The following TNPO1 variants were observed in gnomAD, a reference collection of about 807,000 sequenced individuals.
TNPO1 encodes the protein transportin 1.
A neutral mutation model predicts 119.5 loss-of-function variants in TNPO1; 8 were observed. That is an observed-to-expected ratio of 0.07 (90% CI 0.04 to 0.12). TNPO1 has a LOEUF of 0.12. Ranked by LOEUF, TNPO1 falls within the 10% of genes least tolerant of loss-of-function variation. The pLI, the probability that TNPO1 is intolerant of heterozygous loss-of-function variation, is 1.00. For synonymous variants in TNPO1, 362 were observed against 363.0 expected (o/e 1.00, Z 0.03); for missense variants, 576 against 1,089.8 (o/e 0.53, Z 6.64).
intron 5 of TNPO1, 113 bp downstream of exon 5, chr5:72,862,027 T>A: frequency 1.5e-6 from 1 of 673,932 alleles, no homozygotes. Context: ...TTCTCAAAAC[T>A]TAGAAACCTA....
In TNPO1 at chr5:72,865,587, C is replaced by G. The variant is rs750228339; in HGVS notation, c.463-9C>G. The G allele has an allele frequency of 1.9e-6, 3 of 1,610,472 alleles. No homozygotes were observed. The highest frequency in any genetic ancestry group is 1.3e-5 in the African/African-American group (1 of 74,882). ...ACAAATTCTGATAATTTAAATGTGTCTCTTACAGGGAGCATTTGGTGCCCT... is the reference window on the plus strand; with the variant it reads ...ACAAATTCTGATAATTTAAATGTGTGTCTTACAGGGAGCATTTGGTGCCCT... On this transcript the variant is annotated splice_polypyrimidine_tract_variant and intron_variant, in intron 5 of 24. Transcript: ENST00000337273.
At chr5:72,823,289 G>A (rs1744059989) in intron 1 of TNPO1, among the ~76,000 whole-genome samples, 4 of 151,998 alleles carry the variant, frequency 2.6e-5, no homozygotes, top group African/African-American at 9.7e-5. Flanking sequence ...AAGGCCCACT[G>A]TCCCACTCTC....
intron 6 of TNPO1, among the ~76,000 whole-genome samples, chr5:72,868,606 C>G (rs1747136203): frequency 6.6e-6 from 1 of 151,988 alleles, no homozygotes; most frequent in African/African-American, 2.4e-5. Context: ...CTGTTATATG[C>G]TTAGTTATAT....
At chr5:72,836,482 G>A (rs1744699424) in intron 1 of TNPO1, among the ~76,000 whole-genome samples, 1 of 152,156 alleles carries the variant, frequency 6.6e-6, no homozygotes, top group African/African-American at 2.4e-5. Flanking sequence ...ACTATAATGT[G>A]GGTAGCAGAG....
chr5:72,908,687 G>C (rs1416132149), intron 24 of TNPO1, 22 bp from the exon 25 acceptor site: 1 of 155,554 alleles, frequency 6.4e-6, no homozygotes, highest in Admixed American at 6.5e-5. Context: ...AGATAAAATT[G>C]TTTTTGTTCT....
At chr5:72,865,569 C>T (rs775898123) in intron 5 of TNPO1, 27 bp from the exon 6 acceptor site, 39 of 1,604,242 alleles carry the variant, frequency 2.4e-5, no homozygotes, top group South Asian at 3.4e-5. Flanking sequence ...TTAACAAATT[C>T]TGATAATTTA....
At chr5:72,866,087 T>C (rs1036787402) in intron 6 of TNPO1, among the ~76,000 whole-genome samples, 1 of 152,224 alleles carries the variant, frequency 6.6e-6, no homozygotes, top group Non-Finnish European at 1.5e-5. Flanking sequence ...TCGGGATACA[T>C]GTGCAGGTTT....
At chr5:72,862,338 T>G (rs1746516971) in intron 5 of TNPO1, 1 of 163,642 alleles carries the variant, frequency 6.1e-6, no homozygotes, top group African/African-American at 2.4e-5. Context: ...GTTTTTGTTT[T>G]TGTTTTTTGA....
chr5:72,894,620 G>A (rs1318208425), intron 18 of TNPO1, among the ~76,000 whole-genome samples: 2 of 152,112 alleles, frequency 1.3e-5, no homozygotes. Context: ...GCAGTGAGCT[G>A]ATACTGTACC....
At chr5:72,841,285 T>A (rs1310350124) in intron 1 of TNPO1, among the ~76,000 whole-genome samples, 5 of 151,922 alleles carry the variant, frequency 3.3e-5, no homozygotes, top group African/African-American at 1.2e-4. Flanking sequence ...ACCCAGCTAA[T>A]GTTTTGTATT....
At position 72,908,919 on chromosome 5, in the gene TNPO1, T is replaced by TA; in HGVS notation, c.*247dup. On this transcript the variant is annotated 3_prime_UTR_variant, in exon 25 of 25. Coordinates refer to ENST00000337273, the MANE Select transcript of TNPO1 (RefSeq NM_002270.4). ...TTGTGGGTGGAAATATGTCTCCAGTTACAACTCCGCAGTGGATGTGAAGAA... is the reference window on the plus strand; with the variant it reads ...TTGTGGGTGGAAATATGTCTCCAGTTAACAACTCCGCAGTGGATGTGAAGAA... 2.2e-6 allele frequency: 1 copy of TA among 453,276 alleles called. No individual in the cohort carries two copies. The highest frequency in any genetic ancestry group is 4.4e-6 in the Non-Finnish European group (1 of 225,458). The allele number at this position is 453,276 out of a possible 1,614,324, so 28.1% of individuals were successfully genotyped here. A position where few individuals can be genotyped will look rare whatever the true frequency, so the allele number is the denominator to read the frequency against.
At chr5:72,867,500 C>G (rs1448997529) in intron 6 of TNPO1, among the ~76,000 whole-genome samples, 1 of 152,146 alleles carries the variant, frequency 6.6e-6, no homozygotes, top group African/African-American at 2.4e-5. Context: ...ACCATTTTAT[C>G]AGACTTGAGG....
intron 7 of TNPO1, among the ~76,000 whole-genome samples, chr5:72,874,114 A>G (rs1338824875): frequency 1.3e-5 from 2 of 152,138 alleles, no homozygotes; most frequent in African/African-American, 2.4e-5. Context: ...AACATTTTAA[A>G]ATATTTTGCT....
chr5:72,894,016 T>A (rs1201620117), intron 18 of TNPO1, among the ~76,000 whole-genome samples: 1 of 152,222 alleles, frequency 6.6e-6, no homozygotes, highest in African/African-American at 2.4e-5. Flanking sequence ...TAGATTCTTT[T>A]TTGAGTAGCC....
intron 15 of TNPO1, among the ~76,000 whole-genome samples, chr5:72,892,380 C>T (rs1034934477): frequency 1.3e-5 from 2 of 151,914 alleles, no homozygotes; most frequent in African/African-American, 4.8e-5. Context: ...GTTGAATTGA[C>T]ATTGATAGAA....
rs1490874414 is a variant in TNPO1 at position 72,910,091 on chromosome 5, T to A, written c.*1418T>A. ...GCCTTCTAAGCTTCCCTTTTTTTGT[T>A]CAAAGCATGATCTTAAAGATATGTT... On this transcript the variant is annotated 3_prime_UTR_variant, in exon 25 of 25. Coordinates refer to ENST00000337273, the MANE Select transcript of TNPO1 (RefSeq NM_002270.4). 2 of 152,616 alleles carry A rather than the reference T, an allele frequency of 1.3e-5. No homozygotes were observed. The highest frequency in any genetic ancestry group is 4.8e-5 in the African/African-American group (2 of 41,458). The allele number at this position is 152,616 out of a possible 1,614,324, so 9.5% of individuals were successfully genotyped here. A position where few individuals can be genotyped will look rare whatever the true frequency, so the allele number is the denominator to read the frequency against.
intron 24 of TNPO1, among the ~76,000 whole-genome samples, chr5:72,907,896 A>C (rs571900863): frequency 6.6e-6 from 1 of 152,108 alleles, no homozygotes; most frequent in Admixed American, 6.5e-5. Flanking sequence ...AAAATTAAAA[A>C]GAAAAAAATG....
At chr5:72,821,116 A>G (rs1268171626) in intron 1 of TNPO1, among the ~76,000 whole-genome samples, 1 of 152,226 alleles carries the variant, frequency 6.6e-6, no homozygotes, top group Non-Finnish European at 1.5e-5. Context: ...GAAACAAGCA[A>G]AAAAATATGT....
intron 2 of TNPO1, 28 bp downstream of exon 2, chr5:72,848,526 C>CCGCGCAGCT (rs963091441): frequency 1.2e-5 from 18 of 1,451,838 alleles, no homozygotes; most frequent in Non-Finnish European, 1.7e-5. Flanking sequence ...TGGCCGCCAC[C>CCGCGCAGCT]CGCGCAGCTC....
Sources: gnomAD v4.1 joint callset for allele counts (sites outside exome capture counted in the v4.1 genomes callset) on GRCh38, gnomAD v4.1.1 for gene constraint, MANE v1.5 for transcripts, NCBI Gene and HGNC (gene_info 2026-07-23, HGNC 2026-07-21) for gene names.